The following STK32B variants were observed in gnomAD, a reference collection of about 807,000 sequenced individuals.
STK32B encodes the protein serine/threonine-protein kinase 32B.
STK32B carries 43 observed loss-of-function variants against 52.6 expected under a neutral mutation model. The ratio of observed to expected loss-of-function variants is 0.82; its 90% confidence interval spans 0.64 to 1.05. STK32B has a LOEUF of 1.05. Among genes scored for constraint, STK32B ranks in the 50% least tolerant of loss-of-function variants. The probability of loss-of-function intolerance (pLI) is 0.00; values close to 1 mark genes in which losing one functional copy is unlikely to be tolerated. For synonymous variants in STK32B, 238 were observed against 204.3 expected, an observed-to-expected ratio of 1.17 and a Z score of -1.41; for missense variants, 621 against 534.6, an observed-to-expected ratio of 1.16 and a Z score of -1.59.
At chr4:5,289,258 T>C (rs895157068) in intron 3 of STK32B, among the ~76,000 whole-genome samples, 1 of 152,158 alleles carries the variant, frequency 6.6e-6, no homozygotes, top group African/African-American at 2.4e-5. Flanking sequence ...AAGTGTGGTA[T>C]AAGAGATGAA....
intron 1 of STK32B, among the ~76,000 whole-genome samples, chr4:5,113,536 A>G (rs1214276721): frequency 2.0e-5 from 3 of 151,784 alleles, no homozygotes; most frequent in Admixed American, 6.6e-5. Flanking sequence ...TTTATTACAG[A>G]GCATAACCTA....
chr4:5,344,378 C>T (rs926433543), intron 4 of STK32B, among the ~76,000 whole-genome samples: 42 of 152,168 alleles, frequency 2.8e-4, no homozygotes, highest in African/African-American at 9.9e-4. Flanking sequence ...AAACATCTTC[C>T]AGTGAAGTCC....
chr4:5,416,737 G>C (rs1712195613), intron 5 of STK32B, 108 bp from the exon 6 acceptor site: 1 of 775,672 alleles, frequency 1.3e-6, no homozygotes, highest in African/African-American at 1.8e-5. Context: ...ATTATAAATA[G>C]AAGTTCTAAT....
intron 3 of STK32B, among the ~76,000 whole-genome samples, chr4:5,260,463 C>T (rs191928981): frequency 1.3e-5 from 2 of 152,294 alleles, no homozygotes; most frequent in African/African-American, 2.4e-5. Flanking sequence ...AGACAGGCCC[C>T]TCAGGACGCA....
chr4:5,165,792 A>T (rs1718825726), intron 2 of STK32B, among the ~76,000 whole-genome samples: 1 of 152,142 alleles, frequency 6.6e-6, no homozygotes. Context: ...ACTACTGGAA[A>T]TGGGTGTTCT....
chr4:5,347,731 T>C (rs1199442528), intron 4 of STK32B, among the ~76,000 whole-genome samples: 1 of 152,176 alleles, frequency 6.6e-6, no homozygotes, highest in Non-Finnish European at 1.5e-5. Context: ...GTTCTCATGA[T>C]ATTGAGTGAG....
chr4:5,403,269 C>T (rs1448372938), intron 5 of STK32B, among the ~76,000 whole-genome samples: 1 of 152,172 alleles, frequency 6.6e-6, no homozygotes, highest in Non-Finnish European at 1.5e-5. Flanking sequence ...GGCCCCTCCT[C>T]ACTTCCTCTA....
In STK32B at chr4:5,317,201, A is replaced by G. The variant is rs866674251; in HGVS notation, c.261-14019A>G. Among the ~76,000 whole-genome samples, 13 of 60,652 alleles carry G rather than the reference A, an allele frequency of 2.1e-4. 2 individuals are homozygous for G. The highest frequency in any genetic ancestry group is 7.1e-4 in the African/African-American group (6 of 8,460). 39.8% of individuals were successfully genotyped at this position (60,652 alleles called of 152,430 possible). A position where few individuals can be genotyped will look rare whatever the true frequency, so the allele number is the denominator to read the frequency against. On this transcript the variant is annotated intron_variant, in intron 3 of 11. Transcript: ENST00000282908. ...TAATATATATATATAACATATATAT[A>G]TTATATATATAACATATATATATTA...
chr4:5,117,064 A>G (rs779944619), intron 1 of STK32B, among the ~76,000 whole-genome samples: 1 of 152,176 alleles, frequency 6.6e-6, no homozygotes, highest in Admixed American at 6.5e-5. Flanking sequence ...AATTTTCTAT[A>G]TATAAGATAT....
In STK32B at chr4:5,099,457, C is replaced by CGTGCGCGCACGT. The variant is rs1553823556; in HGVS notation, c.53-40447_53-40446insTGCGCGCACGTG. 4.2e-4 allele frequency among the ~76,000 whole-genome samples: 61 copies of CGTGCGCGCACGT among 146,270 alleles called. No individual in the cohort carries two copies. The South Asian group carries it at 6.3e-3, about 15-fold the overall frequency. On this transcript the variant is annotated intron_variant, in intron 1 of 11. Transcript: ENST00000282908. ...CTGTGTGTGTGTGTGTGTGCGCGCG[C>CGTGCGCGCACGT]GCGTATGTGATGTGTTCACAACTAA...
chr4:5,118,615 C>T (rs551255287), intron 1 of STK32B, among the ~76,000 whole-genome samples: 303 of 152,286 alleles, frequency 2.0e-3, no homozygotes, highest in African/African-American at 7.1e-3. Flanking sequence ...TTGCATGACT[C>T]GCTGGCTGAA....
intron 3 of STK32B, among the ~76,000 whole-genome samples, chr4:5,246,744 G>A (rs1184041057): frequency 6.6e-6 from 1 of 152,144 alleles, no homozygotes; most frequent in Non-Finnish European, 1.5e-5. Flanking sequence ...CATACATACG[G>A]GTTTTTGGTG....
the STK32B span, among the ~76,000 whole-genome samples, chr4:5,022,756 T>C: frequency 6.6e-6 from 1 of 152,192 alleles, no homozygotes; most frequent in African/African-American, 2.4e-5. Context: ...GCCAGATGCA[T>C]GTCTATCTAT....
At chr4:5,049,113 G>A (rs1741670812), upstream of STK32B, among the ~76,000 whole-genome samples, 1 of 152,160 alleles carries the variant, frequency 6.6e-6, no homozygotes, top group African/African-American at 2.4e-5. Context: ...TGCACCAGTA[G>A]CCTCCTTTCT....
chr4:5,211,682 A>G (rs978258356), intron 3 of STK32B, among the ~76,000 whole-genome samples: 4 of 152,184 alleles, frequency 2.6e-5, no homozygotes, highest in African/African-American at 9.7e-5. Context: ...ACCATGTGCA[A>G]TGACCCCATG....
chr4:5,337,066 C>G (rs1732754799), intron 4 of STK32B, among the ~76,000 whole-genome samples: 1 of 152,084 alleles, frequency 6.6e-6, no homozygotes, highest in African/African-American at 2.4e-5. Flanking sequence ...GCAGCCTCAA[C>G]CTTCTGGGCT....
intron 4 of STK32B, among the ~76,000 whole-genome samples, chr4:5,369,571 A>G (rs1735094964): frequency 6.6e-6 from 1 of 152,150 alleles, no homozygotes; most frequent in African/African-American, 2.4e-5. Context: ...TCTTGGCTTC[A>G]GAAGGTGGGC....
At chr4:5,303,455 A>G (rs1015973977) in intron 3 of STK32B, among the ~76,000 whole-genome samples, 1 of 151,912 alleles carries the variant, frequency 6.6e-6, no homozygotes, top group African/African-American at 2.4e-5. Flanking sequence ...ATTTTTTCAC[A>G]TGTTTGTTGG....
At chr4:5,320,012 A>G (rs1182365189) in intron 3 of STK32B, among the ~76,000 whole-genome samples, 1 of 152,190 alleles carries the variant, frequency 6.6e-6, no homozygotes, top group Non-Finnish European at 1.5e-5. Flanking sequence ...AACTTGGCAG[A>G]TTTCTAGCCT....
Sources: allele counts gnomAD v4.1 joint callset (sites outside exome capture counted in the v4.1 genomes callset), GRCh38; gene constraint gnomAD v4.1.1; transcripts MANE v1.5; gene names NCBI Gene and HGNC (gene_info 2026-07-23, HGNC 2026-07-21).